MARF1: variants seen among roughly 807,000 people sequenced by gnomAD.
The protein encoded by MARF1 is meiosis regulator and mRNA stability factor 1, also known as limkain-b1.
MARF1 carries 24 observed loss-of-function variants against 168.2 expected under a neutral mutation model. The ratio of observed to expected loss-of-function variants is 0.14; its 90% confidence interval spans 0.10 to 0.20. The LOEUF (loss-of-function observed/expected upper bound fraction) is 0.20. Among genes scored for constraint, MARF1 ranks in the 10% least tolerant of loss-of-function variants. The pLI is 1.00. For missense variants in MARF1, 1,744 were observed against 2,143.6 expected (o/e 0.81, Z 3.68); for synonymous variants, 868 against 822.4 (o/e 1.06, Z -0.95).
intron 15 of MARF1, 128 bp from the exon 16 acceptor site, chr16:15,616,133 G>T: frequency 2.8e-6 from 2 of 726,696 alleles, no homozygotes; most frequent in East Asian, 3.2e-5. Context: ...CCACCACCAG[G>T]TTTGAAGGTT....
chr16:15,626,974 A>AAAAAG (rs2034894113), intron 7 of MARF1, among the ~76,000 whole-genome samples: 3 of 151,188 alleles, frequency 2.0e-5, no homozygotes, highest in South Asian at 2.1e-4. Flanking sequence ...AAAAAAAAAA[A>AAAAAG]AAAGAAAGAA....
chr16:15,643,137 C>G lies in MARF1; in HGVS notation c.-178G>C. The G allele has an allele frequency of 3.5e-6, 1 of 286,578 alleles. No homozygotes were observed. Among genetic ancestry groups the G allele is most frequent in the Non-Finnish European group, 6.7e-6 (1 of 148,498 alleles). The allele number at this position is 286,578 out of a possible 1,614,324, so 17.8% of individuals were successfully genotyped here. ...TCCCGCCGCCGCCGCCAAGCGCACC[C>G]TTCACTTCCGCTTCCGCACCGCACC... is the stretch of plus-strand genomic sequence containing the variant. On this transcript the variant is annotated 5_prime_UTR_variant, in exon 1 of 27. Coordinates refer to ENST00000396368, the MANE Select transcript of MARF1 (RefSeq NM_014647.4).
At chr16:15,625,283 G>A (rs935218872) in intron 8 of MARF1, 89 bp downstream of exon 8, 1 of 1,546,248 alleles carries the variant, frequency 6.5e-7, no homozygotes, top group Non-Finnish European at 8.7e-7. Context: ...AAATCAAAAA[G>A]GGACACGCCA....
intron 13 of MARF1, 42 bp downstream of exon 13, chr16:15,620,409 A>G (rs1452657108): frequency 7.9e-7 from 1 of 1,263,626 alleles, no homozygotes; most frequent in African/African-American, 1.5e-5. Context: ...GTAAGCCACC[A>G]ATCAGTACTG....
rs1359694239 is a variant in MARF1, at chr16:15,621,863, C to T, written c.2509G>A (p.Val837Ile). Residue 837 changes from valine (V) to isoleucine (I), a missense_variant, in exon 12 of 27, where the codon GTT (valine) becomes ATT (isoleucine). Val to Ile is a conservative substitution (Grantham distance 29, BLOSUM62 3). Around this residue, in one of 7 missense-constraint regions of MARF1, gnomAD observed 543 missense variants for 742.1 expected, o/e 0.73. Transcript: ENST00000396368. ...SPHTDYQLKA[V>I]VQMENLQDAI... is the part of the protein sequence containing the mutation. ...TCTTGTAAGTTTTCCATTTGCACAA[C>T]AGCCTTGAGTTGATAATCTGTATGG... 6.2e-7 allele frequency: 1 copy of T among 1,614,162 alleles called. No homozygotes were observed. The highest frequency in any genetic ancestry group is 1.1e-5 in the South Asian group (1 of 91,082).
At chr16:15,635,339 T>A (rs1226179764) in intron 3 of MARF1, 1 of 423,926 alleles carries the variant, frequency 2.4e-6, no homozygotes, top group Non-Finnish European at 4.2e-6. Context: ...ATGTGTAAGC[T>A]GAATGTAAGT....
chr16:15,626,354 G>A (rs1245712503), intron 7 of MARF1, among the ~76,000 whole-genome samples: 1 of 152,106 alleles, frequency 6.6e-6, no homozygotes. Flanking sequence ...ACACTTAAAA[G>A]AGCTGAATTT....
chr16:15,601,457 A>G, intron 23 of MARF1: 1 of 221,540 alleles, frequency 4.5e-6, no homozygotes, highest in South Asian at 6.9e-5. Context: ...CTCCCTCCTT[A>G]CCTGGAGGAG....
intron 19 of MARF1, 122 bp downstream of exon 19, chr16:15,610,853 G>C (rs951361977): frequency 9.7e-6 from 9 of 927,606 alleles, no homozygotes; most frequent in Non-Finnish European, 1.5e-5. Flanking sequence ...TTTTCACACT[G>C]TGCTTTCTGT....
rs1489062343 is a variant in MARF1, at chr16:15,595,413, C to A, written c.*1280G>T. ...TAACTAGTGGAAGACCTTACGCCAA[C>A]AGGTTCTTTCTGCTCTATGAATGAA... On this transcript the variant is annotated 3_prime_UTR_variant, in exon 27 of 27. Transcript: ENST00000396368. 6.6e-6 allele frequency: 1 copy of A among 152,638 alleles called. No individual in the cohort carries two copies. Among genetic ancestry groups the A allele is most frequent in the Non-Finnish European group, 1.5e-5 (1 of 68,028 alleles). 9.5% of individuals were successfully genotyped at this position (152,638 alleles called of 1,614,324 possible).
chr16:15,614,837 T>C (rs1248584776), intron 16 of MARF1, among the ~76,000 whole-genome samples: 1 of 151,418 alleles, frequency 6.6e-6, no homozygotes, highest in Non-Finnish European at 1.5e-5. Flanking sequence ...CAGGCTGGAG[T>C]GCAATGGCTT....
intron 21 of MARF1, among the ~76,000 whole-genome samples, chr16:15,605,345 A>G (rs578145943): frequency 1.1e-4 from 17 of 152,252 alleles, no homozygotes; most frequent in African/African-American, 4.1e-4. Flanking sequence ...AGGCAGAGAG[A>G]GGTGGGTGGC....
chr16:15,635,735 C>A lies in MARF1; in HGVS notation c.752G>T (p.Cys251Phe). ...ISQSELTPHLCTNSLHLNVVP... is the reference protein window; with the variant it reads ...ISQSELTPHLFTNSLHLNVVP... ...CACATTAAGGTGCAAAGAGTTGGTG[C>A]ACAAGTGAGGCGTTAGCTCCGACTG... is the stretch of plus-strand genomic sequence containing the variant. The change falls in exon 3 of 27, where the codon TGC (cysteine) becomes TTC (phenylalanine). Residue 251 changes from cysteine to phenylalanine, a missense_variant. By Grantham distance (205) the Cys-to-Phe change is radical (BLOSUM62 -2). Transcript: ENST00000396368. 1 of 1,614,180 alleles carries A rather than the reference C, an allele frequency of 6.2e-7. No individual in the cohort carries two copies. The highest frequency in any genetic ancestry group is 8.5e-7 in the Non-Finnish European group (1 of 1,180,044).
In MARF1 at chr16:15,601,667, C is replaced by T. The variant is rs987402358; in HGVS notation, c.4626+324G>A. The T allele has an allele frequency of 1.2e-4, 50 of 421,974 alleles. 1 individual carries two copies. Among genetic ancestry groups the T allele is most frequent in the South Asian group, 1.1e-3 (37 of 32,580 alleles). 26.1% of individuals were successfully genotyped at this position (421,974 alleles called of 1,614,324 possible). A position where few individuals can be genotyped will look rare whatever the true frequency, so the allele number is the denominator to read the frequency against. On this transcript the variant is annotated intron_variant, in intron 23 of 26. Coordinates refer to ENST00000396368, the MANE Select transcript of MARF1 (RefSeq NM_014647.4). ...CAGGCTTGGGAAGTGGGCCCTGACA[C>T]GGCCCTCCTCAGCGCGCCCACTGCC...
intron 7 of MARF1, among the ~76,000 whole-genome samples, chr16:15,626,736 G>C (rs1017408469): frequency 6.6e-6 from 1 of 152,054 alleles, no homozygotes; most frequent in Non-Finnish European, 1.5e-5. Flanking sequence ...AAGGCAGGTG[G>C]ATCACCTGAG....
In MARF1 at chr16:15,622,802, A is replaced by G. The variant is rs925735344; in HGVS notation, c.2460+132T>C. 2.8e-5 allele frequency: 18 copies of G among 634,972 alleles called. No homozygotes were observed. In the Admixed American group the frequency reaches 4.7e-4, roughly 17 times the overall value. The allele number at this position is 634,972 out of a possible 1,614,324, so 39.3% of individuals were successfully genotyped here. ...GCACCACCCTGAGCAGACCAAAGGG[A>G]AAAGGAAGGAGTTCAAACTTGTTCA... On this transcript the variant is annotated intron_variant, in intron 11 of 26. Coordinates refer to ENST00000396368, the MANE Select transcript of MARF1 (RefSeq NM_014647.4).
At chr16:15,613,694 A>AAATAAAATT (rs1321492521) in intron 16 of MARF1, among the ~76,000 whole-genome samples, 1 of 130,874 alleles carries the variant, frequency 7.6e-6, no homozygotes, top group Admixed American at 7.8e-5. Context: ...TAAATAAAAT[A>AAATAAAATT]AAATAAAATA....
intron 23 of MARF1, chr16:15,601,098 A>AT (rs1469196560): frequency 1.3e-5 from 6 of 475,202 alleles, no homozygotes; most frequent in Non-Finnish European, 2.1e-5. Flanking sequence ...AACTAAGTTC[A>AT]TTATCAGCAT....
intron 26 of MARF1, among the ~76,000 whole-genome samples, chr16:15,598,044 A>G (rs938454601): frequency 6.6e-6 from 1 of 152,240 alleles, no homozygotes; most frequent in Non-Finnish European, 1.5e-5. Flanking sequence ...CCTGGAAAGC[A>G]GCACCAGCAG....
Sources: gnomAD v4.1 joint callset for allele counts (sites outside exome capture counted in the v4.1 genomes callset) on GRCh38, gnomAD v4.1.1 for gene constraint, gnomAD v4.1.1 regional missense constraint, MANE v1.5 for transcripts, NCBI Gene and HGNC (gene_info 2026-07-23, HGNC 2026-07-21) for gene names.